The following AADAT variants were observed in gnomAD, a reference collection of about 807,000 sequenced individuals.
AADAT encodes the protein aminoadipate aminotransferase, also known as kynurenine/alpha-aminoadipate aminotransferase, mitochondrial.
AADAT carries 25 observed loss-of-function variants against 56.2 expected under a neutral mutation model. The ratio of observed to expected loss-of-function variants is 0.44; its 90% CI spans 0.32 to 0.62. AADAT has a LOEUF of 0.62. AADAT is among the 20% of genes least tolerant of loss of function. The pLI is 0.04. For synonymous variants in AADAT, 173 were observed against 164.7 expected, an observed-to-expected ratio of 1.05 and a Z score of -0.39; for missense variants, 387 against 510.5, an observed-to-expected ratio of 0.76 and a Z score of 2.33.
intron 2 of AADAT, among the ~76,000 whole-genome samples, chr4:170,087,998 T>C (rs1343267242): frequency 6.6e-6 from 1 of 150,612 alleles, no homozygotes; most frequent in Admixed American, 6.6e-5. Flanking sequence ...AGTTGAAGCT[T>C]CCTGGATCTT....
chr4:170,063,133 G>A (rs1029587956), intron 11 of AADAT, among the ~76,000 whole-genome samples: 11 of 152,246 alleles, frequency 7.2e-5, no homozygotes, highest in African/African-American at 2.6e-4. Flanking sequence ...CAGAAGATGG[G>A]TTTCTCTGTC....
At chr4:170,064,889 T>A in intron 10 of AADAT, 64 bp from the exon 11 acceptor site, 2 of 1,378,966 alleles carry the variant, frequency 1.5e-6, no homozygotes, top group Non-Finnish European at 2.0e-6. Flanking sequence ...TATCAAAGTG[T>A]GTTGTTAAAT....
At chr4:170,084,251 G>C (rs1009564796) in intron 3 of AADAT, among the ~76,000 whole-genome samples, 1 of 151,898 alleles carries the variant, frequency 6.6e-6, no homozygotes, top group African/African-American at 2.4e-5. Context: ...AGGGAGATAG[G>C]GTGAAGGAAA....
chr4:170,061,676 C>T (rs1311190857), intron 12 of AADAT, among the ~76,000 whole-genome samples: 1 of 152,168 alleles, frequency 6.6e-6, no homozygotes, highest in Non-Finnish European at 1.5e-5. Context: ...TTCATGCAGA[C>T]AATAAATTTT....
In AADAT at chr4:170,081,101, T is replaced by A. The variant is rs566052683; in HGVS notation, c.370-2518A>T. On this transcript the variant is annotated intron_variant, in intron 3 of 12. Coordinates refer to ENST00000337664, the MANE Select transcript of AADAT (RefSeq NM_016228.4). ...TATCAGAGACATTTAACAAAGAGAT[T>A]GAAATAATAAAAATAACAAAAAACC... Among the ~76,000 whole-genome samples, 33 of 152,180 alleles carry A rather than the reference T, an allele frequency of 2.2e-4. 1 individual carries two copies. The South Asian group carries it at 6.2e-3, about 29-fold the overall frequency.
intron 10 of AADAT, among the ~76,000 whole-genome samples, chr4:170,065,205 T>C (rs1451658319): frequency 6.6e-6 from 1 of 152,220 alleles, no homozygotes; most frequent in South Asian, 2.1e-4. Flanking sequence ...TATTTGTGGA[T>C]TCTTCCAGCA....
At chr4:170,093,384 C>G (rs529980517), upstream of AADAT, among the ~76,000 whole-genome samples, 14 of 152,034 alleles carry the variant, frequency 9.2e-5, no homozygotes, top group Admixed American at 7.9e-4. Flanking sequence ...CAGCTGAAGC[C>G]GAGATCACGC....
intron 3 of AADAT, 36 bp from the exon 4 acceptor site, chr4:170,078,619 C>T: frequency 6.8e-7 from 1 of 1,479,060 alleles, no homozygotes; most frequent in Non-Finnish European, 9.4e-7. Flanking sequence ...TGTTAGTCAG[C>T]ATAGGTTAGT....
chr4:170,075,135 T>G (rs1731971177), intron 4 of AADAT, among the ~76,000 whole-genome samples: 1 of 152,240 alleles, frequency 6.6e-6, no homozygotes, highest in South Asian at 2.1e-4. Context: ...GTTTCTGTTT[T>G]TCTGTTTGGG....
In AADAT at chr4:170,088,484, T is replaced by C; in HGVS notation, c.148A>G (p.Thr50Ala). 1 of 1,613,876 alleles carries C rather than the reference T, an allele frequency of 6.2e-7. No homozygotes were observed. Among genetic ancestry groups the C allele is most frequent in the Non-Finnish European group, 8.5e-7 (1 of 1,179,792 alleles). Residue 50 changes from threonine to alanine, a missense_variant, in exon 2 of 13, where the codon ACT becomes GCT. Thr to Ala is a moderately conservative substitution (Grantham distance 58). Transcript: ENST00000337664. ...CCATTTTCTACAGTGATTACGGCAG[T>C]CTTAAAAGGAAACATGTTTGGATTT... ...LPNPNMFPFK[T>A]AVITVENGKT... is the part of the protein sequence containing the mutation.
rs753405937 is a variant in AADAT, at chr4:170,064,828, A to G, written c.1028-3T>C. Reference sequence around the variant, plus strand: ...AGGAACATGCCATTCTGCCAAACCTACAAACAAAAGAAGAGAATAAATGTC... The same window carrying G: ...AGGAACATGCCATTCTGCCAAACCTGCAAACAAAAGAAGAGAATAAATGTC... On this transcript the variant is annotated splice_region_variant and splice_polypyrimidine_tract_variant and intron_variant, in intron 10 of 12. Coordinates refer to ENST00000337664, the MANE Select transcript of AADAT (RefSeq NM_016228.4). 2.5e-6 allele frequency: 4 copies of G among 1,606,646 alleles called. No individual in the cohort carries two copies. In the Admixed American group the frequency reaches 6.9e-5, roughly 28 times the overall value.
chr4:170,089,747 C>CA lies in AADAT; in HGVS notation c.-58dup. The CA allele has an allele frequency of 1.3e-6, 2 of 1,577,952 alleles. No homozygotes were observed. Among genetic ancestry groups the CA allele is most frequent in the Admixed American group, 3.4e-5 (2 of 59,320 alleles). On this transcript the variant is annotated 5_prime_UTR_variant, in exon 1 of 13. Transcript: ENST00000337664. ...TTCAGTGGTTGAGGACTAGAAAAACCAAAGAGCCTCGTCAAGTCCTGCCTG... is the reference window on the plus strand; with the variant it reads ...TTCAGTGGTTGAGGACTAGAAAAACCAAAAGAGCCTCGTCAAGTCCTGCCTG...
intron 3 of AADAT, 80 bp from the exon 4 acceptor site, chr4:170,078,663 T>C (rs1732155284): frequency 1.1e-6 from 1 of 938,176 alleles, no homozygotes; most frequent in East Asian, 2.6e-5. Context: ...ATTTTTTAGT[T>C]TGAGCTCACA....
intron 3 of AADAT, among the ~76,000 whole-genome samples, chr4:170,079,382 G>A (rs1732185439): frequency 6.6e-6 from 1 of 152,182 alleles, no homozygotes. Context: ...AGGCAAGTAA[G>A]GATTTTAGGA....
In AADAT at chr4:170,088,401, A is replaced by C; in HGVS notation, c.231T>G (p.Ser77Arg). The C allele has an allele frequency of 2.5e-6, 4 of 1,594,052 alleles. No homozygotes were observed. Among genetic ancestry groups the C allele is most frequent in the Non-Finnish European group, 2.6e-6 (3 of 1,164,054 alleles). The change falls in exon 2 of 13, where the codon AGT (serine) becomes AGG (arginine). Residue 77 changes from serine to arginine, a missense_variant. Transcript: ENST00000337664. Reference sequence around the variant, plus strand: ...TGTTAAGTATTGATACTTACCCAGCACTCGGAGAATACTGAAGTGCTCTCT... The same window carrying C: ...TGTTAAGTATTGATACTTACCCAGCCCTCGGAGAATACTGAAGTGCTCTCT... ...MMKRALQYSP[S>R]AGIPELLSWL...
chr4:170,094,034 A>G (rs1469545624), upstream of AADAT, among the ~76,000 whole-genome samples: 4 of 152,222 alleles, frequency 2.6e-5, no homozygotes, highest in Non-Finnish European at 4.4e-5. Flanking sequence ...TTCAACCCTT[A>G]AACAGTTTGC....
upstream of AADAT, among the ~76,000 whole-genome samples, chr4:170,090,811 T>G (rs990159265): frequency 3.9e-5 from 6 of 152,206 alleles, no homozygotes; most frequent in Non-Finnish European, 8.8e-5. Flanking sequence ...ACAACCTCTC[T>G]TTGACTTTAA....
intron 3 of AADAT, among the ~76,000 whole-genome samples, chr4:170,084,927 C>A (rs539653417): frequency 1.3e-5 from 2 of 152,290 alleles, no homozygotes; most frequent in African/African-American, 4.8e-5. Context: ...TTCACTTACA[C>A]GCACAGTTTC....
intron 3 of AADAT, among the ~76,000 whole-genome samples, chr4:170,086,062 C>T (rs1431052115): frequency 2.0e-5 from 3 of 151,822 alleles, no homozygotes; most frequent in Admixed American, 2.0e-4. Flanking sequence ...GAGCTCAAGA[C>T]CAGCCTGTCC....
Sources: allele counts gnomAD v4.1 joint callset (sites outside exome capture counted in the v4.1 genomes callset), GRCh38; gene constraint gnomAD v4.1.1; transcripts MANE v1.5; gene names NCBI Gene and HGNC (gene_info 2026-07-23, HGNC 2026-07-21).